The following BLTP1 variants were observed in gnomAD, a reference collection of about 807,000 sequenced individuals.
BLTP1 encodes bridge-like lipid transfer protein family member 1.
the BLTP1 span, chr4:122,301,308 C>A: frequency 6.3e-7 from 1 of 1,588,148 alleles, no homozygotes; most frequent in Non-Finnish European, 8.6e-7. Context: ...AGGTGGGGAG[C>A]AGCCTATTCC....
the BLTP1 span, chr4:122,286,915 C>G: frequency 3.4e-5 from 26 of 764,588 alleles, no homozygotes; most frequent in Non-Finnish European, 4.1e-5. Context: ...CAGAAGAATT[C>G]TATACCAAAT....
At chr4:122,159,086 A>G in the BLTP1 span, among the ~76,000 whole-genome samples, 15 of 152,286 alleles carry the variant, frequency 9.8e-5, no homozygotes, top group South Asian at 8.3e-4. Flanking sequence ...TTGTGGAACT[A>G]TGTTATTCAT....
At chr4:122,171,796 T>C in the BLTP1 span, 4 of 983,970 alleles carry the variant, frequency 4.1e-6, no homozygotes, top group Non-Finnish European at 2.4e-6. Context: ...CTCCTTTCTT[T>C]AAGAAAAAAA....
At chr4:122,198,174 TTGAAAAAGTGACTG>T in the BLTP1 span, 3 of 979,102 alleles carry the variant, frequency 3.1e-6, no homozygotes, top group South Asian at 1.4e-4. Context: ...AGATAATCAA[TTGAAAAAGTGACTG>T]TGAATGGCAT....
chr4:122,329,885 C>T, the BLTP1 span, among the ~76,000 whole-genome samples: 1 of 151,640 alleles, frequency 6.6e-6, no homozygotes, highest in Non-Finnish European at 1.5e-5. Context: ...GCCAACCTCC[C>T]CCAGACCCTT....
the BLTP1 span, chr4:122,310,918 G>C: frequency 1.1e-6 from 1 of 942,932 alleles, no homozygotes; most frequent in African/African-American, 1.8e-5. Context: ...CAAAAGACCA[G>C]TATCAGCCTA....
the BLTP1 span, among the ~76,000 whole-genome samples, chr4:122,212,349 T>G: frequency 1.3e-5 from 2 of 152,208 alleles, no homozygotes; most frequent in East Asian, 3.8e-4. Context: ...GACCATCGTT[T>G]GACCTAAAAT....
chr4:122,271,061 T>C, the BLTP1 span: 2 of 1,613,400 alleles, frequency 1.2e-6, no homozygotes, highest in Non-Finnish European at 1.7e-6. Context: ...CAAACCAGCA[T>C]TAATGTTGGG....
the BLTP1 span, among the ~76,000 whole-genome samples, chr4:122,323,454 T>G: frequency 6.6e-6 from 1 of 151,766 alleles, no homozygotes; most frequent in African/African-American, 2.4e-5. Flanking sequence ...TTTTTTTTTT[T>G]TAACCAGGAT....
the BLTP1 span, among the ~76,000 whole-genome samples, chr4:122,216,085 G>GTCTATCTATCTATCTA: frequency 2.8e-5 from 4 of 144,510 alleles, no homozygotes; most frequent in South Asian, 4.6e-4. Flanking sequence ...ATCTTTGTCT[G>GTCTATCTATCTATCTA]TCTATCTATC....
At chr4:122,291,327 C>A in the BLTP1 span, among the ~76,000 whole-genome samples, 1 of 152,232 alleles carries the variant, frequency 6.6e-6, no homozygotes. Flanking sequence ...TTCAGTTATT[C>A]TGTCAAGACC....
At chr4:122,193,782 C>A in the BLTP1 span, 2 of 292,178 alleles carry the variant, frequency 6.8e-6, no homozygotes, top group Non-Finnish European at 1.0e-5. Flanking sequence ...CTGATACTAA[C>A]TTGATGTATT....
the BLTP1 span, chr4:122,239,532 T>A: frequency 6.3e-7 from 1 of 1,576,616 alleles, no homozygotes; most frequent in East Asian, 2.3e-5. Flanking sequence ...TACAGAAATT[T>A]CAGGAAACAG....
chr4:122,237,981 C>CAAAAAAAAAAAAAAAAA, the BLTP1 span: 1 of 731,846 alleles, frequency 1.4e-6, no homozygotes, highest in African/African-American at 2.7e-5. Flanking sequence ...GACTCCATCT[C>CAAAAAAAAAAAAAAAAA]AAAAAAAAAA....
At chr4:122,199,873 A>C in the BLTP1 span, 1 of 964,572 alleles carries the variant, frequency 1.0e-6, no homozygotes, top group Non-Finnish European at 1.2e-6. Flanking sequence ...AAAATGAAGA[A>C]AATCTTGTTG....
At chr4:122,174,801 ATT>A in the BLTP1 span, 1 of 683,588 alleles carries the variant, frequency 1.5e-6, no homozygotes, top group Non-Finnish European at 2.3e-6. Flanking sequence ...TACTTGATGA[ATT>A]GATGTTTTAA....
chr4:122,278,788 TACC>T, the BLTP1 span, among the ~76,000 whole-genome samples: 2 of 152,154 alleles, frequency 1.3e-5, no homozygotes. Flanking sequence ...TGTGCCACTA[TACC>T]CAGCTAATTT....
the BLTP1 span, chr4:122,277,004 T>C: frequency 1.0e-6 from 1 of 983,980 alleles, no homozygotes; most frequent in Non-Finnish European, 1.2e-6. Flanking sequence ...CTGTAATTAA[T>C]ATGAAATATG....
At chr4:122,349,396 A>C in the BLTP1 span, 1 of 1,559,808 alleles carries the variant, frequency 6.4e-7, no homozygotes, top group African/African-American at 1.4e-5. The surrounding 1 kb of genome is among the most constrained non-coding windows in gnomAD (Gnocchi z 4.5). Flanking sequence ...ATGGATTCTC[A>C]TGAGTTTTTC....
Sources: gnomAD v4.1 joint callset for allele counts (sites outside exome capture counted in the v4.1 genomes callset) on GRCh38, gnomAD v4.1.1 for gene constraint, Gnocchi (gnomAD v3.1) non-coding constraint, MANE v1.5 for transcripts, NCBI Gene and HGNC (gene_info 2026-07-23, HGNC 2026-07-21) for gene names.